The following HPSE2 variants were observed in gnomAD, a reference collection of about 807,000 sequenced individuals.
HPSE2 encodes the protein heparanase 2 (inactive), also known as inactive heparanase-2.
A neutral mutation model predicts 60.5 loss-of-function variants in HPSE2; 38 were observed. The ratio of observed to expected loss-of-function variants is 0.63; its 90% confidence interval spans 0.48 to 0.82. The LOEUF is 0.82. Among genes scored for constraint, HPSE2 ranks in the 40% least tolerant of loss-of-function variants. HPSE2 has a pLI of 0.00. For missense variants in HPSE2, 713 were observed against 740.4 expected, an observed-to-expected ratio of 0.96 and a Z score of 0.43; for synonymous variants, 295 against 293.2, an observed-to-expected ratio of 1.01 and a Z score of -0.06.
Position 99,100,894 on chromosome 10 carries a change from G to C in HPSE2, c.610+43344C>G, listed in dbSNP as rs553859682. 1.4e-3 allele frequency among the ~76,000 whole-genome samples: 214 copies of C among 152,260 alleles called. 1 individual carries two copies. The highest frequency in any genetic ancestry group is 0.01 in the Middle Eastern group (3 of 294). ...AGAATTTCATATCCAGCCAAACTAA[G>C]CTTCATAAGTGAAGGAGAAATAAAA... On this transcript the variant is annotated intron_variant, in intron 3 of 11. Coordinates refer to ENST00000370552, the MANE Select transcript of HPSE2 (RefSeq NM_021828.5).
In HPSE2 at chr10:98,710,775, C is replaced by A. The variant is rs1050342188; in HGVS notation, c.956+10882G>T. 5.3e-5 allele frequency among the ~76,000 whole-genome samples: 8 copies of A among 152,270 alleles called. 1 individual carries two copies. Among genetic ancestry groups the A allele is most frequent in the Non-Finnish European group, 1.5e-5 (1 of 68,018 alleles). On this transcript the variant is annotated intron_variant, in intron 5 of 11. Coordinates refer to ENST00000370552, the MANE Select transcript of HPSE2 (RefSeq NM_021828.5). ...TTCTAAAGCCCTTGTTATAACCATG[C>A]AGAGTTGGCAAATTTGTACCACATG...
chr10:99,074,968 T>C (rs1400080268), intron 3 of HPSE2, among the ~76,000 whole-genome samples: 5 of 152,150 alleles, frequency 3.3e-5, no homozygotes, highest in Non-Finnish European at 7.4e-5. Flanking sequence ...GCTAAAGATT[T>C]GTTGATTTTG....
chr10:98,715,552 T>C (rs955491228), intron 5 of HPSE2, among the ~76,000 whole-genome samples: 2 of 151,938 alleles, frequency 1.3e-5, no homozygotes, highest in African/African-American at 2.4e-5. Context: ...CACAGAGGTA[T>C]TGCAGGTTCA....
At chr10:98,595,901 T>C (rs942085800) in intron 9 of HPSE2, among the ~76,000 whole-genome samples, 1 of 152,246 alleles carries the variant, frequency 6.6e-6, no homozygotes, top group Non-Finnish European at 1.5e-5. Context: ...TTGAGAGTTT[T>C]CATCATGAAA....
chr10:99,072,949 A>AT (rs1842844943), intron 3 of HPSE2, among the ~76,000 whole-genome samples: 1 of 78,026 alleles, frequency 1.3e-5, no homozygotes, highest in African/African-American at 3.3e-5. Context: ...AAAAAAAAAA[A>AT]AAAAAAAAAA....
At chr10:98,875,171 T>C (rs1009087704) in intron 3 of HPSE2, among the ~76,000 whole-genome samples, 9 of 151,858 alleles carry the variant, frequency 5.9e-5, no homozygotes, top group African/African-American at 2.2e-4. Context: ...AAGAAATAAT[T>C]AAGATCAGAG....
Position 98,618,066 on chromosome 10 carries a change from C to T in HPSE2, c.1205+2536G>A, listed in dbSNP as rs936722107. ...TACTCCCCCCCGCCACGACAGGAAG[C>T]AATTTATGCCCCTTGGAGAACTGAA... On this transcript the variant is annotated intron_variant, in intron 8 of 11. Coordinates refer to ENST00000370552, the MANE Select transcript of HPSE2 (RefSeq NM_021828.5). Among the ~76,000 whole-genome samples the T allele has an allele frequency of 2.0e-5, 3 of 152,134 alleles. No homozygotes were observed. In the East Asian group the frequency reaches 5.8e-4, roughly 29 times the overall value.
At chr10:99,264,338 C>G in the HPSE2 span, among the ~76,000 whole-genome samples, 77 of 152,250 alleles carry the variant, frequency 5.1e-4, no homozygotes, top group Middle Eastern at 6.8e-3. Context: ...CCGCCCGCCT[C>G]AGCCTCCCAA....
chr10:98,604,161 A>G (rs1343575874), intron 9 of HPSE2, among the ~76,000 whole-genome samples: 3 of 152,206 alleles, frequency 2.0e-5, no homozygotes, highest in African/African-American at 7.2e-5. Flanking sequence ...AGCAAACATT[A>G]GACATGGCAG....
At chr10:98,985,136 G>A (rs1330286283) in intron 3 of HPSE2, among the ~76,000 whole-genome samples, 3 of 152,168 alleles carry the variant, frequency 2.0e-5, no homozygotes, top group African/African-American at 7.2e-5. Context: ...AGGAAATACA[G>A]AGAACGCCAC....
At position 98,954,823 on chromosome 10, in the gene HPSE2, G is replaced by T. The variant is rs534674179; in HGVS notation, c.610+189415C>A. ...TCGTTTCATTATATATATAGCTTAG[G>T]TTATGTGATAGTGAAACTACCAATA... On this transcript the variant is annotated intron_variant, in intron 3 of 11. Transcript: ENST00000370552. Among the ~76,000 whole-genome samples the T allele has an allele frequency of 2.0e-5, 3 of 151,692 alleles. No individual in the cohort carries two copies. The South Asian group carries it at 6.2e-4, about 32-fold the overall frequency.
chr10:99,121,698 G>A (rs1267060772), intron 3 of HPSE2, among the ~76,000 whole-genome samples: 1 of 152,134 alleles, frequency 6.6e-6, no homozygotes, highest in African/African-American at 2.4e-5. Context: ...GAGCTCTCCT[G>A]TGTAGTGTTG....
At chr10:98,495,269 A>G (rs117888459) in intron 9 of HPSE2, among the ~76,000 whole-genome samples, 2 of 152,222 alleles carry the variant, frequency 1.3e-5, no homozygotes, top group East Asian at 3.9e-4. Flanking sequence ...CTTACTAAGA[A>G]TTACTTATAT....
the HPSE2 span, among the ~76,000 whole-genome samples, chr10:99,291,295 C>G: frequency 6.6e-6 from 1 of 152,140 alleles, no homozygotes; most frequent in African/African-American, 2.4e-5. Flanking sequence ...GCTAAAGAAT[C>G]ACCACATGGG....
intron 2 of HPSE2, among the ~76,000 whole-genome samples, chr10:99,186,103 A>ACC (rs1333426501): frequency 3.8e-5 from 1 of 26,068 alleles, no homozygotes; most frequent in African/African-American, 7.8e-5. Context: ...AGGATAAATA[A>ACC]CCACACACAC....
intron 6 of HPSE2, among the ~76,000 whole-genome samples, chr10:98,663,806 C>T (rs1399402140): frequency 6.6e-6 from 1 of 152,148 alleles, no homozygotes; most frequent in Non-Finnish European, 1.5e-5. Flanking sequence ...GATCCTTGAG[C>T]AGCCTGGCAC....
intron 3 of HPSE2, among the ~76,000 whole-genome samples, chr10:99,021,530 G>A (rs1397321137): frequency 6.6e-6 from 1 of 151,754 alleles, no homozygotes; most frequent in Non-Finnish European, 1.5e-5. Flanking sequence ...GTCTCGCTAA[G>A]GGTCCTACTC....
At chr10:98,602,907 G>T in intron 9 of HPSE2, among the ~76,000 whole-genome samples, 1 of 152,022 alleles carries the variant, frequency 6.6e-6, no homozygotes, top group East Asian at 1.9e-4. Context: ...AACACCAAAA[G>T]TACAAATGAC....
At chr10:98,768,812 G>A (rs771520439) in intron 3 of HPSE2, among the ~76,000 whole-genome samples, 3 of 152,142 alleles carry the variant, frequency 2.0e-5, no homozygotes, top group Non-Finnish European at 4.4e-5. Flanking sequence ...AGCACTTCGG[G>A]ATGTTGAGGC....
Sources: allele counts gnomAD v4.1 joint callset (sites outside exome capture counted in the v4.1 genomes callset), GRCh38; gene constraint gnomAD v4.1.1; transcripts MANE v1.5; gene names NCBI Gene and HGNC (gene_info 2026-07-23, HGNC 2026-07-21).